PKP4: variants seen among roughly 807,000 people sequenced by gnomAD.
PKP4 encodes the protein plakophilin 4, also known as plakophilin-4.
A neutral mutation model predicts 145.1 loss-of-function variants in PKP4; 90 were observed. The observed-to-expected ratio is 0.62, with a 90% confidence interval of 0.52 to 0.74. The LOEUF is 0.74. PKP4 is among the 30% of genes least tolerant of loss of function. The pLI, the probability that PKP4 is intolerant of heterozygous loss-of-function variation, is 0.00. For synonymous variants in PKP4, 563 were observed against 577.2 expected, an observed-to-expected ratio of 0.98 and a Z score of 0.35; for missense variants, 1,340 against 1,482.7, an observed-to-expected ratio of 0.90 and a Z score of 1.58.
chr2:158,614,743 TTA>T (rs758127681), intron 4 of PKP4, among the ~76,000 whole-genome samples: 2 of 152,206 alleles, frequency 1.3e-5, no homozygotes, highest in South Asian at 2.1e-4. Flanking sequence ...CTTTAATATT[TTA>T]TGTTTGATAT....
chr2:158,604,987 T>C (rs2050535063), intron 4 of PKP4, among the ~76,000 whole-genome samples: 1 of 152,138 alleles, frequency 6.6e-6, no homozygotes, highest in South Asian at 2.1e-4. Context: ...GAGAGAATGA[T>C]CTGAAATCTG....
chr2:158,513,826 T>C (rs1461298441), intron 1 of PKP4, among the ~76,000 whole-genome samples: 1 of 152,174 alleles, frequency 6.6e-6, no homozygotes, highest in Non-Finnish European at 1.5e-5. Context: ...GAGTTTTCTT[T>C]CTCTTTTTCT....
At chr2:158,636,120 G>A (rs1381701892) in intron 9 of PKP4, among the ~76,000 whole-genome samples, 1 of 152,020 alleles carries the variant, frequency 6.6e-6, no homozygotes. Flanking sequence ...AAGGAGTAAC[G>A]TAAAAGACTT....
intron 3 of PKP4, among the ~76,000 whole-genome samples, chr2:158,597,650 A>G (rs1158130866): frequency 6.6e-6 from 1 of 152,214 alleles, no homozygotes; most frequent in Non-Finnish European, 1.5e-5. Context: ...TGCTCCATTC[A>G]TAAATAAAAC....
chr2:158,666,727 T>C, intron 16 of PKP4, 164 bp downstream of exon 16: 1 of 543,254 alleles, frequency 1.8e-6, no homozygotes, highest in East Asian at 3.4e-5. Flanking sequence ...TGACCATTCT[T>C]TTTCAGCAGG....
At chr2:158,487,488 C>A (rs945203925) in intron 1 of PKP4, among the ~76,000 whole-genome samples, 3 of 152,078 alleles carry the variant, frequency 2.0e-5, no homozygotes, top group African/African-American at 7.2e-5. Context: ...AAAGAAAAGG[C>A]CTCTGGTTGG....
At chr2:158,539,508 C>T (rs983859466) in intron 2 of PKP4, among the ~76,000 whole-genome samples, 5 of 152,194 alleles carry the variant, frequency 3.3e-5, no homozygotes, top group African/African-American at 9.7e-5. Context: ...CAGCTGTAAA[C>T]AAGCATAGTT....
chr2:158,472,961 A>G (rs879901588), intron 1 of PKP4, among the ~76,000 whole-genome samples: 11 of 152,246 alleles, frequency 7.2e-5, no homozygotes, highest in Non-Finnish European at 1.5e-4. Flanking sequence ...ACTTAAATTT[A>G]CAAGAGAAAA....
At chr2:158,676,324 T>G (rs2106023800) in intron 19 of PKP4, among the ~76,000 whole-genome samples, 1 of 152,348 alleles carries the variant, frequency 6.6e-6, no homozygotes, top group East Asian at 1.9e-4. Flanking sequence ...AGGTGGGTAT[T>G]TTGCAAGCAA....
Position 158,631,854 on chromosome 2 carries a change from A to G in PKP4, c.1255A>G (p.Thr419Ala). 1 of 1,614,046 alleles carries G rather than the reference A, an allele frequency of 6.2e-7. No individual in the cohort carries two copies. Among genetic ancestry groups the G allele is most frequent in the South Asian group, 1.1e-5 (1 of 91,082 alleles). The change falls in exon 8 of 22, where the codon ACC (threonine) becomes GCC (alanine). Residue 419 changes from threonine to alanine, a missense_variant. Thr to Ala is a moderately conservative substitution (Grantham distance 58). Coordinates refer to ENST00000389759, the MANE Select transcript of PKP4 (RefSeq NM_003628.6). ...LHITPIYEGRTYYSPVYRSPN... is the reference protein window; with the variant it reads ...LHITPIYEGRAYYSPVYRSPN... ...CATTACTCCTATATATGAGGGGAGG[A>G]CCTATTACAGCCCAGTGTACCGCAG...
In PKP4 at chr2:158,624,850, A is replaced by G. The variant is rs767016941; in HGVS notation, c.604-28A>G. The G allele has an allele frequency of 2.6e-6, 4 of 1,536,912 alleles. No individual in the cohort carries two copies. The South Asian group carries it at 5.1e-5, about 20-fold the overall frequency. ...TGAACACAAAACCCTGGATAAACCC[A>G]TTCTCTTTTTTCCCCCCCTTTCATC... is the stretch of plus-strand genomic sequence containing the variant. On this transcript the variant is annotated intron_variant, in intron 6 of 21. Coordinates refer to ENST00000389759, the MANE Select transcript of PKP4 (RefSeq NM_003628.6).
chr2:158,507,601 G>T (rs954762719), intron 1 of PKP4, among the ~76,000 whole-genome samples: 1 of 152,088 alleles, frequency 6.6e-6, no homozygotes, highest in African/African-American at 2.4e-5. Flanking sequence ...CAGAGGCTTG[G>T]ACTCTTGACT....
rs1574777139 is a variant in PKP4 at position 158,612,036 on chromosome 2, T to C, written c.280+8932T>C. ...CTTCTTTAAAAAAAAAAAAACAGCC[T>C]GGAAGAATCTGAGTAAAAGGTAGAA... On this transcript the variant is annotated intron_variant, in intron 4 of 21. Coordinates refer to ENST00000389759, the MANE Select transcript of PKP4 (RefSeq NM_003628.6). Among the ~76,000 whole-genome samples, 3 of 148,074 alleles carry C rather than the reference T, an allele frequency of 2.0e-5. No homozygotes were observed. The South Asian group carries it at 6.3e-4, about 31-fold the overall frequency.
At chr2:158,533,383 A>T in intron 2 of PKP4, 67 bp downstream of exon 2, 2 of 1,565,246 alleles carry the variant, frequency 1.3e-6, no homozygotes. Context: ...TAATCTTTGG[A>T]TATGTTTTAA....
chr2:158,680,440 G>T lies in PKP4; in HGVS notation c.3342G>T (p.Leu1114=). Reference sequence around the variant, plus strand: ...CATTTTGTCAACAGCATCAACAGCTGTATTATAGTCAAGATGACTCCAACA... The same window carrying T: ...CATTTTGTCAACAGCATCAACAGCTTTATTATAGTCAAGATGACTCCAACA... The part of the protein sequence containing the change: ...EQNRRLQHQQ[L]YYSQDDSNRK... Residue 1114 remains leucine, a synonymous_variant, in exon 22 of 22, where the codon CTG becomes CTT. Transcript: ENST00000389759. 1 of 1,609,338 alleles carries T rather than the reference G, an allele frequency of 6.2e-7. No homozygotes were observed. The highest frequency in any genetic ancestry group is 8.5e-7 in the Non-Finnish European group (1 of 1,177,928).
chr2:158,479,325 G>A (rs943900202), intron 1 of PKP4, among the ~76,000 whole-genome samples: 7 of 152,074 alleles, frequency 4.6e-5, no homozygotes, highest in Non-Finnish European at 1.0e-4. Context: ...CCGGGATTAA[G>A]CGATGCTTCC....
chr2:158,560,264 T>C (rs2046405734), intron 2 of PKP4, among the ~76,000 whole-genome samples: 1 of 152,208 alleles, frequency 6.6e-6, no homozygotes, highest in East Asian at 1.9e-4. Context: ...TGTAAATTTC[T>C]TGCTTTGAAA....
chr2:158,458,878 A>G (rs1367894016), intron 1 of PKP4, among the ~76,000 whole-genome samples: 1 of 152,166 alleles, frequency 6.6e-6, no homozygotes, highest in Non-Finnish European at 1.5e-5. Context: ...TGTATATTTC[A>G]AGATGTAATT....
rs138983420 is a variant in PKP4 at position 158,522,385 on chromosome 2, T to G, written c.-5-10795T>G. On this transcript the variant is annotated intron_variant, in intron 1 of 21. Transcript: ENST00000389759. ...AAGTCATACTAGAGTATATGTGGTC[T>G]GCAGCCTTGAGCAGAAAAATTGCCT... Among the ~76,000 whole-genome samples, 483 of 152,358 alleles carry G rather than the reference T, an allele frequency of 3.2e-3. 1 individual carries two copies. Among genetic ancestry groups the G allele is most frequent in the Non-Finnish European group, 5.3e-3 (358 of 68,038 alleles).
Sources: gnomAD v4.1 joint callset for allele counts (sites outside exome capture counted in the v4.1 genomes callset) on GRCh38, gnomAD v4.1.1 for gene constraint, MANE v1.5 for transcripts, NCBI Gene and HGNC (gene_info 2026-07-23, HGNC 2026-07-21) for gene names.